The following CIB4 variants were observed in gnomAD, a reference collection of about 807,000 sequenced individuals.
CIB4 encodes the protein calcium and integrin binding family member 4.
CIB4 carries 25 observed loss-of-function variants against 25.8 expected under a neutral mutation model. That is an observed-to-expected ratio of 0.97 (90% CI 0.71 to 1.35). The LOEUF is 1.35. Among genes scored for constraint, CIB4 ranks in the 40% most tolerant of loss-of-function variants. The probability of loss-of-function intolerance (pLI) is 0.00; values close to 1 mark genes in which losing one functional copy is unlikely to be tolerated. For synonymous variants in CIB4, 75 were observed against 81.4 expected, an observed-to-expected ratio of 0.92 and a Z score of 0.42; for missense variants, 235 against 228.2, an observed-to-expected ratio of 1.03 and a Z score of -0.19.
intron 2 of CIB4, among the ~76,000 whole-genome samples, chr2:26,632,919 T>A (rs541422659): frequency 6.6e-6 from 1 of 152,170 alleles, no homozygotes; most frequent in South Asian, 2.1e-4. Flanking sequence ...CAAAAATTAA[T>A]GTTTTGGTTT....
intron 3 of CIB4, 135 bp from the exon 4 acceptor site, chr2:26,595,452 T>A: frequency 9.9e-7 from 1 of 1,010,766 alleles, no homozygotes; most frequent in Non-Finnish European, 1.4e-6. Flanking sequence ...AATATCGGAG[T>A]AGATGGTGGC....
rs372577151 is a variant in CIB4, at chr2:26,583,930, G to A, written c.329-32C>T. ...AGAAGAGGCCAGGCCTGCATTAGACGGAGCTGGGGGCTAAACAGGAAGAGG... is the reference window on the plus strand; with the variant it reads ...AGAAGAGGCCAGGCCTGCATTAGACAGAGCTGGGGGCTAAACAGGAAGAGG... On this transcript the variant is annotated intron_variant, in intron 4 of 6. Transcript: ENST00000288861. The A allele has an allele frequency of 9.7e-5, 135 of 1,386,966 alleles. 1 individual carries two copies. In the South Asian group the frequency reaches 1.1e-3, roughly 11 times the overall value. The allele number at this position is 1,386,966 out of a possible 1,614,324, so 85.9% of individuals were successfully genotyped here. A position where few individuals can be genotyped will look rare whatever the true frequency, so the allele number is the denominator to read the frequency against.
In CIB4 at chr2:26,640,101, CAGGGAGGGAGGG is replaced by C. The variant is rs781597774; in HGVS notation, c.89+420_89+431del. Among the ~76,000 whole-genome samples the C allele has an allele frequency of 4.7e-5, 5 of 106,784 alleles. No homozygotes were observed. The East Asian group carries it at 1.2e-3, about 26-fold the overall frequency. 70.1% of individuals were successfully genotyped at this position (106,784 alleles called of 152,430 possible). ...CACATCACAGGCACCGGAGAAAGGG[CAGGGAGGGAGGG>C]AGGGAGGGAGGGAGGTGGAGAGGGA... On this transcript the variant is annotated intron_variant, in intron 2 of 6. Transcript: ENST00000288861.
chr2:26,588,967 G>T (rs1484329682), intron 4 of CIB4, among the ~76,000 whole-genome samples: 1 of 46,622 alleles, frequency 2.1e-5, no homozygotes, highest in Admixed American at 2.0e-4. Flanking sequence ...TGCCGCTGCT[G>T]CCGCTTCTTC....
intron 2 of CIB4, among the ~76,000 whole-genome samples, chr2:26,638,674 C>T (rs180937458): frequency 3.3e-5 from 5 of 152,116 alleles, no homozygotes; most frequent in Admixed American, 1.3e-4. Context: ...AAATGTAGGC[C>T]GGGTGCAGTG....
At chr2:26,617,145 T>TGTGTGTGTGTGTGTGTGTGC (rs1381689008) in intron 3 of CIB4, among the ~76,000 whole-genome samples, 119 of 139,126 alleles carry the variant, frequency 8.6e-4, no homozygotes, top group African/African-American at 2.6e-3. Flanking sequence ...TGTGTGTGTG[T>TGTGTGTGTGTGTGTGTGTGC]GTGCACGTGA....
chr2:26,583,744 C>T, intron 5 of CIB4, 45 bp downstream of exon 5: 1 of 1,323,378 alleles, frequency 7.6e-7, no homozygotes, highest in East Asian at 2.3e-5. Context: ...CAACCTGGCC[C>T]CTATCCCCGG....
chr2:26,628,129 C>T (rs1258497239), intron 3 of CIB4, among the ~76,000 whole-genome samples: 3 of 152,210 alleles, frequency 2.0e-5, no homozygotes, highest in South Asian at 2.1e-4. Flanking sequence ...GATTTGTTAA[C>T]GTGACATTTC....
intron 4 of CIB4, among the ~76,000 whole-genome samples, chr2:26,586,447 C>T (rs998365917): frequency 2.0e-5 from 3 of 152,212 alleles, no homozygotes; most frequent in Non-Finnish European, 2.9e-5. Context: ...CAGCTTTGTC[C>T]TTCTCCCATC....
intron 3 of CIB4, among the ~76,000 whole-genome samples, chr2:26,605,307 G>C (rs575208282): frequency 6.6e-6 from 1 of 150,912 alleles, no homozygotes; most frequent in Non-Finnish European, 1.5e-5. Context: ...GTTTGTTCAA[G>C]TAAAAAAAAA....
intron 3 of CIB4, among the ~76,000 whole-genome samples, chr2:26,624,856 T>A (rs2586888): frequency 0.62 from 92,504 of 149,560 alleles, 28,395 homozygotes; most frequent in Admixed American, 0.7. Context: ...ATATATATAT[T>A]TTTTTTATAT....
intron 4 of CIB4, among the ~76,000 whole-genome samples, chr2:26,594,890 T>TTC (rs139049681): frequency 6.6e-6 from 1 of 151,244 alleles, no homozygotes; most frequent in Non-Finnish European, 1.5e-5. Flanking sequence ...GCATATGTGA[T>TTC]TCTCTCTCTC....
At chr2:26,587,451 A>G (rs1663029085) in intron 4 of CIB4, among the ~76,000 whole-genome samples, 1 of 152,026 alleles carries the variant, frequency 6.6e-6, no homozygotes, top group African/African-American at 2.4e-5. Flanking sequence ...GTCTTTGGCC[A>G]CCAAATTTAA....
At position 26,589,165 on chromosome 2, in the gene CIB4, T is replaced by C. The variant is rs961730550; in HGVS notation, c.329-5267A>G. On this transcript the variant is annotated intron_variant, in intron 4 of 6. Coordinates refer to ENST00000288861, the MANE Select transcript of CIB4 (RefSeq NM_001029881.3). The stretch of plus-strand genomic sequence containing the variant: ...CTCCTTCCCCTTCCCCTTCCCCTTC[T>C]CCTTCTCCTTCTTCCTCTTCCTCTT... Among the ~76,000 whole-genome samples the C allele has an allele frequency of 1.7e-3, 201 of 117,858 alleles. 6 individuals are homozygous for C. Among genetic ancestry groups the C allele is most frequent in the African/African-American group, 5.7e-3 (184 of 32,444 alleles). 77.3% of individuals were successfully genotyped at this position (117,858 alleles called of 152,430 possible).
intron 6 of CIB4, 72 bp from the exon 7 acceptor site, chr2:26,581,465 T>A: frequency 6.8e-7 from 1 of 1,460,414 alleles, no homozygotes; most frequent in Non-Finnish European, 9.6e-7. Context: ...GGGTTCACAG[T>A]AGTCCTGGAG....
chr2:26,595,074 C>G (rs1246804469), intron 4 of CIB4, 102 bp downstream of exon 4: 1 of 1,168,618 alleles, frequency 8.6e-7, no homozygotes, highest in African/African-American at 1.5e-5. Flanking sequence ...CAAGCACACC[C>G]CAGTTAATGC....
chr2:26,592,590 T>C (rs576431525), intron 4 of CIB4, among the ~76,000 whole-genome samples: 176 of 152,290 alleles, frequency 1.2e-3, no homozygotes, highest in African/African-American at 4.2e-3. Context: ...CCTAGATACA[T>C]GTTAGAGCTT....
At chr2:26,590,611 G>A (rs866763676) in intron 4 of CIB4, among the ~76,000 whole-genome samples, 11 of 152,134 alleles carry the variant, frequency 7.2e-5, no homozygotes, top group Admixed American at 3.9e-4. Context: ...CCTTCACTGT[G>A]GACCACTCCC....
At chr2:26,612,387 C>T (rs1205902662) in intron 3 of CIB4, among the ~76,000 whole-genome samples, 1 of 152,196 alleles carries the variant, frequency 6.6e-6, no homozygotes, top group Admixed American at 6.5e-5. Context: ...AAATATGGAG[C>T]CAAAGATGGG....
Sources: gnomAD v4.1 joint callset for allele counts (sites outside exome capture counted in the v4.1 genomes callset) on GRCh38, gnomAD v4.1.1 for gene constraint, MANE v1.5 for transcripts, NCBI Gene and HGNC (gene_info 2026-07-23, HGNC 2026-07-21) for gene names.